ADAMTS3: variants seen among roughly 807,000 people sequenced by gnomAD.
ADAMTS3 encodes the protein ADAM metallopeptidase with thrombospondin type 1 motif 3.
A neutral mutation model predicts 129.0 loss-of-function variants in ADAMTS3; 73 were observed. The observed-to-expected ratio is 0.57, with a 90% CI of 0.47 to 0.69. The LOEUF (loss-of-function observed/expected upper bound fraction) is 0.69. Ranked by LOEUF, ADAMTS3 falls within the 30% of genes least tolerant of loss-of-function variation. ADAMTS3 has a pLI of 0.00. For missense variants in ADAMTS3, 1,457 were observed against 1,514.5 expected, an observed-to-expected ratio of 0.96 and a Z score of 0.63; for synonymous variants, 477 against 510.8, an observed-to-expected ratio of 0.93 and a Z score of 0.89.
chr4:72,544,774 T>C (rs571287999), intron 3 of ADAMTS3, among the ~76,000 whole-genome samples: 2 of 152,280 alleles, frequency 1.3e-5, no homozygotes, highest in South Asian at 4.1e-4. Context: ...TTAAAAAGAA[T>C]AGAAAGCATT....
chr4:72,533,712 G>A (rs956283143), intron 3 of ADAMTS3, among the ~76,000 whole-genome samples: 3 of 61,442 alleles, frequency 4.9e-5, no homozygotes, highest in African/African-American at 1.9e-4. Flanking sequence ...TCTTTACACT[G>A]GTTATTTCCA....
chr4:72,558,201 T>C (rs1721814572), intron 2 of ADAMTS3, among the ~76,000 whole-genome samples: 1 of 151,894 alleles, frequency 6.6e-6, no homozygotes, highest in Non-Finnish European at 1.5e-5. Flanking sequence ...TAAAATAGCC[T>C]GGCTCATACT....
intron 4 of ADAMTS3, among the ~76,000 whole-genome samples, chr4:72,366,097 C>A (rs898141530): frequency 9.9e-5 from 15 of 152,104 alleles, no homozygotes; most frequent in Non-Finnish European, 2.1e-4. Context: ...ATGACGTTTT[C>A]ATTTTCAGGT....
intron 4 of ADAMTS3, among the ~76,000 whole-genome samples, chr4:72,369,159 C>T (rs1720942560): frequency 6.6e-6 from 1 of 152,188 alleles, no homozygotes; most frequent in Non-Finnish European, 1.5e-5. Flanking sequence ...GGTGTCTTTA[C>T]TTCGTATATA....
intron 4 of ADAMTS3, among the ~76,000 whole-genome samples, chr4:72,372,996 T>C (rs1721046882): frequency 1.3e-5 from 2 of 152,194 alleles, no homozygotes; most frequent in African/African-American, 2.4e-5. Flanking sequence ...AACTCATTAT[T>C]ATAAAGATGC....
chr4:72,465,330 C>T lies in ADAMTS3; in HGVS notation c.505-50359G>A, dbSNP rs1018507890. On this transcript the variant is annotated intron_variant, in intron 3 of 21. Coordinates refer to ENST00000286657, the MANE Select transcript of ADAMTS3 (RefSeq NM_014243.3). ...TTAGCAAGTTCCAAGAACAAAAACG[C>T]CAATGTGGCTTGAACATAGTCAACC... Among the ~76,000 whole-genome samples the T allele has an allele frequency of 2.6e-5, 4 of 151,936 alleles. No homozygotes were observed. The East Asian group carries it at 7.8e-4, about 30-fold the overall frequency.
chr4:72,291,738 T>C (rs1718675662), intron 19 of ADAMTS3, among the ~76,000 whole-genome samples: 1 of 151,990 alleles, frequency 6.6e-6, no homozygotes, highest in African/African-American at 2.4e-5. Flanking sequence ...TATAGAAGCA[T>C]GATTTATAGT....
In ADAMTS3 at chr4:72,356,556, A is replaced by T. The variant is rs1434562; in HGVS notation, c.662-16863T>A. The stretch of plus-strand genomic sequence containing the variant: ...GTGGAAAAACAAAACAAAACTCAAC[A>T]AGGCTATAAAATAAAATAAATATGA... On this transcript the variant is annotated intron_variant, in intron 4 of 21. Transcript: ENST00000286657. Among the ~76,000 whole-genome samples the T allele has an allele frequency of 1.5e-3, 225 of 151,992 alleles. 3 individuals carry two copies. The East Asian group carries it at 0.037, about 25-fold the overall frequency.
chr4:72,408,841 C>G (rs191734574), intron 4 of ADAMTS3, among the ~76,000 whole-genome samples: 12 of 151,986 alleles, frequency 7.9e-5, no homozygotes, highest in Admixed American at 7.9e-4. Context: ...TATCACAAGA[C>G]CATAAAACCA....
At chr4:72,526,570 ATGTGTGTGTG>A (rs56774889) in intron 3 of ADAMTS3, among the ~76,000 whole-genome samples, 8 of 132,052 alleles carry the variant, frequency 6.1e-5, no homozygotes, top group African/African-American at 1.7e-4. Flanking sequence ...AATGAAATTT[ATGTGTGTGTG>A]TGTGTGTGTG....
At chr4:72,299,065 G>GTA (rs1207811874) in intron 17 of ADAMTS3, among the ~76,000 whole-genome samples, 1 of 142,052 alleles carries the variant, frequency 7.0e-6, no homozygotes, top group Non-Finnish European at 1.5e-5. Flanking sequence ...GTGTGTGTGT[G>GTA]TGTGTGTGTG....
Position 72,282,301 on chromosome 4 carries a change from A to C in ADAMTS3, c.*835T>G, listed in dbSNP as rs1027653973. 1 of 145,878 alleles carries C rather than the reference A, an allele frequency of 6.9e-6. No homozygotes were observed. Among genetic ancestry groups the C allele is most frequent in the African/African-American group, 2.8e-5 (1 of 35,488 alleles). The allele number at this position is 145,878 out of a possible 1,614,324, so 9.0% of individuals were successfully genotyped here. On this transcript the variant is annotated 3_prime_UTR_variant, in exon 22 of 22. Transcript: ENST00000286657. ...TTTCAGTTTTGTCTTGCACGAGTTC[A>C]TTATTTACTATTCGTTGATCCCTGT...
chr4:72,523,595 T>G (rs1720731054), intron 3 of ADAMTS3, among the ~76,000 whole-genome samples: 1 of 152,106 alleles, frequency 6.6e-6, no homozygotes, highest in Non-Finnish European at 1.5e-5. Context: ...AAGATCTATA[T>G]TTAAAACTTT....
chr4:72,557,497 T>C (rs911275661), intron 2 of ADAMTS3, among the ~76,000 whole-genome samples: 1 of 151,926 alleles, frequency 6.6e-6, no homozygotes, highest in Admixed American at 6.5e-5. Flanking sequence ...CTTTGGTGTG[T>C]CTTTTATTTT....
chr4:72,344,511 T>C (rs1326576131), intron 4 of ADAMTS3, among the ~76,000 whole-genome samples: 4 of 152,160 alleles, frequency 2.6e-5, no homozygotes, highest in South Asian at 2.1e-4. Context: ...GAGCAGAATG[T>C]TAATTTTATT....
chr4:72,339,725 A>T (rs371477188), intron 4 of ADAMTS3, 32 bp from the exon 5 acceptor site: 21 of 1,586,870 alleles, frequency 1.3e-5, no homozygotes, highest in African/African-American at 6.7e-5. Context: ...CAGGAATTTC[A>T]GTTTCCCTAA....
intron 3 of ADAMTS3, among the ~76,000 whole-genome samples, chr4:72,526,423 C>A (rs1012628302): frequency 2.6e-5 from 4 of 151,938 alleles, no homozygotes; most frequent in Non-Finnish European, 4.4e-5. Context: ...ATCTAGCTAT[C>A]CCATCTGGCA....
At chr4:72,502,709 T>G (rs1720056270) in intron 3 of ADAMTS3, among the ~76,000 whole-genome samples, 1 of 152,142 alleles carries the variant, frequency 6.6e-6, no homozygotes. Flanking sequence ...TAATTTGAGA[T>G]CTTGCTAACT....
intron 3 of ADAMTS3, among the ~76,000 whole-genome samples, chr4:72,510,618 A>G (rs1720286584): frequency 6.6e-6 from 1 of 151,972 alleles, no homozygotes; most frequent in Non-Finnish European, 1.5e-5. Context: ...TGAAGAGGAC[A>G]CCAAAACATA....
Sources: gnomAD v4.1 joint callset for allele counts (sites outside exome capture counted in the v4.1 genomes callset) on GRCh38, gnomAD v4.1.1 for gene constraint, MANE v1.5 for transcripts, NCBI Gene and HGNC (gene_info 2026-07-23, HGNC 2026-07-21) for gene names.